The following RNF213 variants were observed in gnomAD, a reference collection of about 807,000 sequenced individuals.
The protein encoded by RNF213 is ring finger protein 213.
In RNF213, 341 loss-of-function variants were observed where a neutral mutation model predicts 514.4. The observed-to-expected ratio is 0.66, with a 90% CI of 0.61 to 0.73. The LOEUF (loss-of-function observed/expected upper bound fraction) is 0.73. RNF213 is among the 30% of genes least tolerant of loss of function. The pLI, the probability that RNF213 is intolerant of heterozygous loss-of-function variation, is 0.00. For synonymous variants in RNF213, 2,655 were observed against 2,658.2 expected, an observed-to-expected ratio of 1.00 and a Z score of 0.04; for missense variants, 5,767 against 6,615.6, an observed-to-expected ratio of 0.87 and a Z score of 4.45.
chr17:80,305,489 C>T (rs2143559535), intron 11 of RNF213, among the ~76,000 whole-genome samples: 1 of 151,656 alleles, frequency 6.6e-6, no homozygotes, highest in East Asian at 1.9e-4. Flanking sequence ...GATTTTATTA[C>T]TATTTTTTAA....
At chr17:80,308,356 A>G (rs1268111283) in intron 13 of RNF213, among the ~76,000 whole-genome samples, 1 of 151,442 alleles carries the variant, frequency 6.6e-6, no homozygotes. Flanking sequence ...AGTCCCCTCC[A>G]TCAACTCTCC....
chr17:80,356,523 C>T (rs2078829115), intron 36 of RNF213, among the ~76,000 whole-genome samples: 1 of 152,258 alleles, frequency 6.6e-6, no homozygotes, highest in South Asian at 2.1e-4. Flanking sequence ...TACCTCGATT[C>T]ACCACCACTG....
chr17:80,261,370 C>T (rs1306216556), intron 1 of RNF213, among the ~76,000 whole-genome samples: 4 of 152,248 alleles, frequency 2.6e-5, no homozygotes, highest in Non-Finnish European at 5.9e-5. Context: ...GAGGCATCGC[C>T]CCGTCTGAAC....
At position 80,397,284 on chromosome 17, in the gene RNF213, C is replaced by G. The variant is rs939394320; in HGVS notation, c.*3786C>G. 6.6e-6 allele frequency: 1 copy of G among 152,182 alleles called. No individual in the cohort carries two copies. Among genetic ancestry groups the G allele is most frequent in the Admixed American group, 6.5e-5 (1 of 15,278 alleles). The allele number at this position is 152,182 out of a possible 1,614,324, so 9.4% of individuals were successfully genotyped here. ...GCCATGGGCAAGTGGCTCGACCTCT[C>G]TAAGCTTCAGTTTCCTCGTCTGTGA... On this transcript the variant is annotated 3_prime_UTR_variant, in exon 68 of 68. Coordinates refer to ENST00000582970, the MANE Select transcript of RNF213 (RefSeq NM_001256071.3).
At chr17:80,303,761 G>A (rs2143533387) in intron 11 of RNF213, among the ~76,000 whole-genome samples, 1 of 151,416 alleles carries the variant, frequency 6.6e-6, no homozygotes, top group Non-Finnish European at 1.5e-5. Context: ...AGTGGAGATG[G>A]GTTTTGCCAT....
chr17:80,298,166 C>T (rs757751601), intron 10 of RNF213, among the ~76,000 whole-genome samples, 155 bp from the exon 11 acceptor site: 3 of 152,122 alleles, frequency 2.0e-5, no homozygotes, highest in Non-Finnish European at 2.9e-5. Flanking sequence ...CTGAGGGAAG[C>T]CCTGTCTCCT....
chr17:80,273,387 T>G lies in RNF213; in HGVS notation c.244T>G (p.Ser82Ala), dbSNP rs1336551658. ...ENPEEPCSKA[S>A]WTVQESKKKK... ...CCCCGAGGAGCCCTGTTCCAAAGCC[T>G]CCTGGACCGTCCAAGAAGTGAGTGC... is the stretch of plus-strand genomic sequence containing the variant. The change falls in exon 3 of 68, where the codon TCC (serine) becomes GCC (alanine). Residue 82 changes from serine to alanine, a missense_variant. Coordinates refer to ENST00000582970, the MANE Select transcript of RNF213 (RefSeq NM_001256071.3). 3 of 1,612,758 alleles carry G rather than the reference T, an allele frequency of 1.9e-6. No individual in the cohort carries two copies. The highest frequency in any genetic ancestry group is 2.2e-5 in the East Asian group (1 of 44,842).
chr17:80,387,043 G>GCCA (rs1568171438), intron 63 of RNF213, 152 bp downstream of exon 63: 1 of 765,988 alleles, frequency 1.3e-6, no homozygotes, highest in East Asian at 2.7e-5. Context: ...AGGCCACCAC[G>GCCA]CCACCTGTAT....
At chr17:80,344,092 C>T in intron 28 of RNF213, 77 bp downstream of exon 28, 11 of 1,480,490 alleles carry the variant, frequency 7.4e-6, no homozygotes, top group South Asian at 2.5e-5. Context: ...TGGAATGGCG[C>T]GTTTAGGAGA....
At chr17:80,330,397 G>A (rs1425056474) in intron 20 of RNF213, among the ~76,000 whole-genome samples, 1 of 152,176 alleles carries the variant, frequency 6.6e-6, no homozygotes, top group Non-Finnish European at 1.5e-5. Context: ...GCTGTGGCTC[G>A]ACCTGGAAGT....
In RNF213 at chr17:80,327,836, G is replaced by A. The variant is rs1221857675; in HGVS notation, c.3214G>A (p.Ala1072Thr). 2.6e-6 allele frequency: 4 copies of A among 1,536,620 alleles called. No individual in the cohort carries two copies. Among genetic ancestry groups the A allele is most frequent in the South Asian group, 2.4e-5 (2 of 84,054 alleles). Residue 1072 changes from alanine (A) to threonine (T), a missense_variant, in exon 19 of 68, where the codon GCA becomes ACA. Ala to Thr is a moderately conservative substitution (Grantham distance 58). Around this residue, in one of 13 missense-constraint regions of RNF213, gnomAD observed 516 missense variants for 566.5 expected, o/e 0.91. Coordinates refer to ENST00000582970, the MANE Select transcript of RNF213 (RefSeq NM_001256071.3). ...TTCAGGAACCGACGAGAAAATACTA[G>A]CAAATGTCACAGAGGATGCCAAGAG... ...RLCGTDEKILANVTEDAKRLI... is the reference protein window; with the variant it reads ...RLCGTDEKILTNVTEDAKRLI...
Position 80,334,284 on chromosome 17 carries a change from T to C in RNF213, c.4309+14T>C. The stretch of plus-strand genomic sequence containing the variant: ...AGGCTCTTGGAGGTAAAATCAGCCT[T>C]TGGGGTTGCGTGGAAGTGTGGAGAA... On this transcript the variant is annotated intron_variant, in intron 22 of 67. Transcript: ENST00000582970. 1 of 1,527,616 alleles carries C rather than the reference T, an allele frequency of 6.5e-7. No homozygotes were observed. The highest frequency in any genetic ancestry group is 8.8e-7 in the Non-Finnish European group (1 of 1,141,430). 94.6% of individuals were successfully genotyped at this position (1,527,616 alleles called of 1,614,324 possible).
chr17:80,391,778 T>C (rs1240675029), intron 67 of RNF213, among the ~76,000 whole-genome samples: 1 of 141,458 alleles, frequency 7.1e-6, no homozygotes, highest in African/African-American at 2.6e-5. Flanking sequence ...TTTTTTTTTT[T>C]TTTTTTTTTT....
chr17:80,344,887 G>C lies in RNF213; in HGVS notation c.6552G>C (p.Gln2184His), dbSNP rs1340949882. The change falls in exon 29 of 68, where the codon CAG (glutamine) becomes CAC (histidine). Residue 2184 changes from glutamine to histidine, a missense_variant. Around this residue, in one of 13 missense-constraint regions of RNF213, gnomAD observed 1,377 missense variants for 1,635.2 expected, o/e 0.84. Transcript: ENST00000582970. ...FNQNQDLDTFQYQEGSVEGTP... is the reference protein window; with the variant it reads ...FNQNQDLDTFHYQEGSVEGTP... ...AAAACCAAGACCTAGACACGTTTCAGTATCAAGAAGGCTCTGTCGAAGGCA... is the reference window on the plus strand; with the variant it reads ...AAAACCAAGACCTAGACACGTTTCACTATCAAGAAGGCTCTGTCGAAGGCA... The C allele has an allele frequency of 1.2e-6, 2 of 1,614,174 alleles. No individual in the cohort carries two copies.
chr17:80,320,141 C>T (rs2046091180), intron 17 of RNF213: 2 of 483,108 alleles, frequency 4.1e-6, no homozygotes, highest in South Asian at 8.7e-5. Flanking sequence ...ATTTTCATCA[C>T]TTCAAAGAGA....
chr17:80,318,399 G>T (rs2046018506), intron 16 of RNF213, among the ~76,000 whole-genome samples: 1 of 152,078 alleles, frequency 6.6e-6, no homozygotes, highest in South Asian at 2.1e-4. Flanking sequence ...TCCATCAATG[G>T]GGCCCCAGGC....
At chr17:80,266,702 A>T (rs1377889442) in intron 2 of RNF213, among the ~76,000 whole-genome samples, 1 of 151,670 alleles carries the variant, frequency 6.6e-6, no homozygotes, top group Non-Finnish European at 1.5e-5. Flanking sequence ...GCGTTTCACC[A>T]TGTTGGCCAG....
chr17:80,288,877 C>T lies in RNF213; in HGVS notation c.933+122C>T. The T allele has an allele frequency of 2.0e-6, 3 of 1,536,358 alleles. No individual in the cohort carries two copies. Among genetic ancestry groups the T allele is most frequent in the Non-Finnish European group, 2.7e-6 (3 of 1,125,200 alleles). ...GGATATAGCCATGATTCAGACAAAG[C>T]TCTGGCCTTCGGGGTGCTCACATTC... is the stretch of plus-strand genomic sequence containing the variant. On this transcript the variant is annotated intron_variant, in intron 5 of 67. Coordinates refer to ENST00000582970, the MANE Select transcript of RNF213 (RefSeq NM_001256071.3). The surrounding 1 kb of genome is among the most constrained non-coding windows in gnomAD (Gnocchi z 4.9).
At chr17:80,313,886 ACTGG>A (rs2045697968) in intron 15 of RNF213, among the ~76,000 whole-genome samples, 4 of 38,044 alleles carry the variant, frequency 1.1e-4, no homozygotes, top group Non-Finnish European at 1.4e-4. Context: ...TGGTGGAGGT[ACTGG>A]AGGTGATGGT....
Sources: allele counts gnomAD v4.1 joint callset (sites outside exome capture counted in the v4.1 genomes callset), GRCh38; gene constraint gnomAD v4.1.1; regional missense constraint gnomAD v4.1.1; non-coding constraint Gnocchi (gnomAD v3.1); transcripts MANE v1.5; gene names NCBI Gene and HGNC (gene_info 2026-07-23, HGNC 2026-07-21).